The following CHST8 variants were observed in gnomAD, a reference collection of about 807,000 sequenced individuals.
The protein encoded by CHST8 is carbohydrate sulfotransferase 8.
Under a neutral mutation model 15.0 loss-of-function variants are expected in CHST8, and 10 were observed. That is an observed-to-expected ratio of 0.67 (90% CI 0.41 to 1.13). CHST8 has a LOEUF of 1.13. Ranked by LOEUF, CHST8 falls within the 50% of genes most tolerant of loss-of-function variation. The probability of loss-of-function intolerance (pLI) is 0.00; values close to 1 mark genes in which losing one functional copy is unlikely to be tolerated. For missense variants in CHST8, 634 were observed against 608.2 expected (o/e 1.04, Z -0.45); for synonymous variants, 259 against 256.6 (o/e 1.01, Z -0.09).
chr19:33,733,357 C>T (rs112123440), intron 3 of CHST8, among the ~76,000 whole-genome samples: 3,008 of 151,912 alleles, frequency 0.02, 47 homozygotes, highest in Non-Finnish European at 0.03. Flanking sequence ...CCTCAGCCTC[C>T]CAAGTAGCTA....
Position 33,689,167 on chromosome 19 carries a change from G to C in CHST8, c.-86-9G>C. Reference sequence around the variant, plus strand: ...CCTCGGTGATGACTATCCCTCCTCTGCCCCGTAGATCTCGGCCTGATGGAC... The same window carrying C: ...CCTCGGTGATGACTATCCCTCCTCTCCCCCGTAGATCTCGGCCTGATGGAC... On this transcript the variant is annotated splice_polypyrimidine_tract_variant and intron_variant, in intron 2 of 4. Transcript: ENST00000650847. The C allele has an allele frequency of 7.0e-7, 1 of 1,421,398 alleles. No individual in the cohort carries two copies. The highest frequency in any genetic ancestry group is 9.3e-7 in the Non-Finnish European group (1 of 1,079,264). The allele number at this position is 1,421,398 out of a possible 1,614,324, so 88.0% of individuals were successfully genotyped here.
intron 3 of CHST8, among the ~76,000 whole-genome samples, chr19:33,706,212 G>A (rs577042155): frequency 6.6e-6 from 1 of 152,310 alleles, no homozygotes; most frequent in East Asian, 1.9e-4. Context: ...GCCAGCCTGG[G>A]TTAGAGGTTG....
intron 3 of CHST8, among the ~76,000 whole-genome samples, chr19:33,719,718 G>A (rs1252590149): frequency 6.7e-6 from 1 of 149,198 alleles, no homozygotes; most frequent in Non-Finnish European, 1.5e-5. Context: ...GAGGGGGATG[G>A]GGACCTGGAG....
intron 3 of CHST8, among the ~76,000 whole-genome samples, chr19:33,760,458 C>G (rs866152880): frequency 6.6e-6 from 1 of 151,540 alleles, no homozygotes; most frequent in African/African-American, 2.4e-5. Flanking sequence ...GCTGGGACTA[C>G]AGGTGCCCAT....
At position 33,680,766 on chromosome 19, in the gene CHST8, A is replaced by G. The variant is rs1377692909; in HGVS notation, c.-86-8410A>G. ...AACTTTAAAATGTTTCTTATACAACAGGGGCTGGAGCTGATCCATGGAAAT... is the reference window on the plus strand; with the variant it reads ...AACTTTAAAATGTTTCTTATACAACGGGGGCTGGAGCTGATCCATGGAAAT... On this transcript the variant is annotated intron_variant, in intron 2 of 4. Coordinates refer to ENST00000650847, the MANE Select transcript of CHST8 (RefSeq NM_001127895.2). 3.3e-5 allele frequency among the ~76,000 whole-genome samples: 5 copies of G among 152,266 alleles called. 1 individual carries two copies. The East Asian group carries it at 7.7e-4, about 23-fold the overall frequency.
intron 3 of CHST8, among the ~76,000 whole-genome samples, chr19:33,728,068 T>C (rs1599592812): frequency 2.0e-5 from 3 of 152,404 alleles, no homozygotes; most frequent in Admixed American, 2.0e-4. Context: ...TGGCCACACC[T>C]GTGGCTGTCC....
intron 3 of CHST8, among the ~76,000 whole-genome samples, chr19:33,744,110 C>A (rs1260582040): frequency 2.6e-5 from 4 of 152,130 alleles, no homozygotes; most frequent in Non-Finnish European, 5.9e-5. Context: ...TCTTGTCTAC[C>A]CCGCACACCC....
chr19:33,684,485 C>T (rs1008328312), intron 2 of CHST8: 1 of 152,380 alleles, frequency 6.6e-6, no homozygotes, highest in Non-Finnish European at 1.5e-5. Flanking sequence ...ATCCGTCAAC[C>T]TTGCAGAGCA....
intron 1 of CHST8, among the ~76,000 whole-genome samples, chr19:33,638,515 C>T (rs1972236905): frequency 6.6e-6 from 1 of 152,156 alleles, no homozygotes; most frequent in South Asian, 2.1e-4. Context: ...TCCCTCATTG[C>T]CACCTTGGCC....
chr19:33,770,541 G>A (rs1479930480), intron 3 of CHST8, among the ~76,000 whole-genome samples: 3 of 152,204 alleles, frequency 2.0e-5, no homozygotes, highest in African/African-American at 7.2e-5. Flanking sequence ...TTCCCCCAAA[G>A]CAGACCAAAT....
chr19:33,759,460 G>A (rs1220129439), intron 3 of CHST8, among the ~76,000 whole-genome samples: 6 of 152,106 alleles, frequency 3.9e-5, no homozygotes, highest in Non-Finnish European at 7.4e-5. Context: ...GTGGGATCCC[G>A]GTGGGCCCAG....
intron 2 of CHST8, among the ~76,000 whole-genome samples, chr19:33,677,471 T>A (rs1972825054): frequency 6.6e-6 from 1 of 152,112 alleles, no homozygotes; most frequent in African/African-American, 2.4e-5. Context: ...CAGAGCCATA[T>A]GGAAAGATGG....
intron 3 of CHST8, among the ~76,000 whole-genome samples, chr19:33,709,579 C>G (rs1973511092): frequency 6.6e-6 from 1 of 150,496 alleles, no homozygotes. Flanking sequence ...GTGTATAATC[C>G]TTTTTATATG....
At chr19:33,639,352 G>C (rs1329855329) in intron 1 of CHST8, among the ~76,000 whole-genome samples, 2 of 152,178 alleles carry the variant, frequency 1.3e-5, no homozygotes, top group Non-Finnish European at 2.9e-5. Flanking sequence ...AAGTGCTAGG[G>C]TGCTGTCTGG....
At chr19:33,748,976 G>A (rs541859932) in intron 3 of CHST8, among the ~76,000 whole-genome samples, 151 of 152,266 alleles carry the variant, frequency 9.9e-4, no homozygotes, top group African/African-American at 3.3e-3. Flanking sequence ...CCCAACAGGC[G>A]CACACCCCTG....
chr19:33,660,111 C>T (rs1025732993), intron 1 of CHST8, among the ~76,000 whole-genome samples: 2 of 152,200 alleles, frequency 1.3e-5, no homozygotes, highest in African/African-American at 4.8e-5. Context: ...ACCAGCCTTC[C>T]TCTGTGGATA....
At chr19:33,645,225 G>A (rs1568312999) in intron 1 of CHST8, among the ~76,000 whole-genome samples, 1 of 152,192 alleles carries the variant, frequency 6.6e-6, no homozygotes, top group Non-Finnish European at 1.5e-5. Flanking sequence ...GCCCGCTGGA[G>A]ATGAGGCCGT....
intron 3 of CHST8, among the ~76,000 whole-genome samples, chr19:33,734,054 G>A (rs1258141127): frequency 3.2e-4 from 48 of 152,224 alleles, no homozygotes; most frequent in Non-Finnish European, 8.8e-5. Flanking sequence ...ATTCCCAGAT[G>A]GTTAAGGCAT....
intron 1 of CHST8, among the ~76,000 whole-genome samples, chr19:33,639,860 GACAGAGTCTC>G (rs1972257329): frequency 7.0e-6 from 1 of 143,196 alleles, no homozygotes; most frequent in Non-Finnish European, 1.5e-5. Context: ...TTTTTTTTGA[GACAGAGTCTC>G]ACTCTGTCTC....
Sources: allele counts gnomAD v4.1 joint callset (sites outside exome capture counted in the v4.1 genomes callset), GRCh38; gene constraint gnomAD v4.1.1; transcripts MANE v1.5; gene names NCBI Gene and HGNC (gene_info 2026-07-23, HGNC 2026-07-21).